The following CCZ1B variants were observed in gnomAD, a reference collection of about 807,000 sequenced individuals.
The protein encoded by CCZ1B is CCZ1B vacuolar protein trafficking and biogenesis associated.
Under a neutral mutation model 58.8 loss-of-function variants are expected in CCZ1B, and 25 were observed. The ratio of observed to expected loss-of-function variants is 0.43; its 90% CI spans 0.31 to 0.59. CCZ1B has a LOEUF of 0.59. CCZ1B is among the 20% of genes least tolerant of loss of function. The pLI, the probability that CCZ1B is intolerant of heterozygous loss-of-function variation, is 0.12. For synonymous variants in CCZ1B, 66 were observed against 173.2 expected (o/e 0.38, Z 4.86); for missense variants, 180 against 501.5 (o/e 0.36, Z 6.12).
At chr7:6,811,045 C>T (rs1292609571) in intron 10 of CCZ1B, among the ~76,000 whole-genome samples, 1 of 151,542 alleles carries the variant, frequency 6.6e-6, no homozygotes, top group Non-Finnish European at 1.5e-5. Context: ...TTAAACAGAC[C>T]CTCGATTGTC....
chr7:6,812,878 G>T (rs1454637356), intron 9 of CCZ1B, 98 bp downstream of exon 9: 4 of 1,546,756 alleles, frequency 2.6e-6, no homozygotes, highest in Admixed American at 4.0e-5. Context: ...AGTGAGCGGA[G>T]ATCTTGCCAC....
chr7:6,818,643 AAGAAAGAC>A (rs1212628412), intron 7 of CCZ1B, among the ~76,000 whole-genome samples: 5 of 142,218 alleles, frequency 3.5e-5, no homozygotes, highest in African/African-American at 1.4e-4. Flanking sequence ...ACAAGAAAGA[AAGAAAGAC>A]AGAAAGAAAG....
rs1238934050 is a variant in CCZ1B, at chr7:6,818,595, G to A, written c.698+1171C>T. On this transcript the variant is annotated intron_variant, in intron 7 of 14. Coordinates refer to ENST00000316731, the MANE Select transcript of CCZ1B (RefSeq NM_198097.5). ...AGAAAGACAGAAAGAAAGACAGACAGAAAGAAAGAAAGAAAGAAAGACAAG... is the reference window on the plus strand; with the variant it reads ...AGAAAGACAGAAAGAAAGACAGACAAAAAGAAAGAAAGAAAGAAAGACAAG... 1.6e-5 allele frequency among the ~76,000 whole-genome samples: 2 copies of A among 128,922 alleles called. 1 individual carries two copies. Among genetic ancestry groups the A allele is most frequent in the African/African-American group, 6.8e-5 (2 of 29,574 alleles). 84.6% of individuals were successfully genotyped at this position (128,922 alleles called of 152,430 possible). A position where few individuals can be genotyped will look rare whatever the true frequency, so the allele number is the denominator to read the frequency against.
At chr7:6,814,697 A>C in intron 8 of CCZ1B, 67 bp downstream of exon 8, 1 of 1,399,160 alleles carries the variant, frequency 7.1e-7, no homozygotes, top group Non-Finnish European at 1.0e-6. Flanking sequence ...ATGCACCACC[A>C]TCTCACTCCA....
chr7:6,805,745 C>CAAA, intron 11 of CCZ1B: 1 of 317,294 alleles, frequency 3.2e-6, no homozygotes, highest in Non-Finnish European at 5.6e-6. Flanking sequence ...CAAACAACCA[C>CAAA]AAAAACATTA....
rs1271427204 is a variant in CCZ1B at position 6,823,297 on chromosome 7, A to C, written c.438+16T>G. Reference sequence around the variant, plus strand: ...AAGTGGTTGGACTCTGAGTTGAGAAAGAACGCCACGCTTACCTTGTACATG... The same window carrying C: ...AAGTGGTTGGACTCTGAGTTGAGAACGAACGCCACGCTTACCTTGTACATG... On this transcript the variant is annotated intron_variant, in intron 5 of 14. Transcript: ENST00000316731. 1 of 1,605,442 alleles carries C rather than the reference A, an allele frequency of 6.2e-7. No homozygotes were observed. Among genetic ancestry groups the C allele is most frequent in the South Asian group, 1.1e-5 (1 of 90,398 alleles).
intron 8 of CCZ1B, among the ~76,000 whole-genome samples, chr7:6,813,342 T>G (rs895324666): frequency 6.7e-6 from 1 of 149,322 alleles, no homozygotes; most frequent in Non-Finnish European, 1.5e-5. Context: ...TCCCAGCACT[T>G]TGGGAGGCCA....
intron 12 of CCZ1B, among the ~76,000 whole-genome samples, chr7:6,804,507 G>GT (rs1302213042): frequency 8.9e-6 from 1 of 112,286 alleles, no homozygotes; most frequent in Non-Finnish European, 1.8e-5. Context: ...CTCCCACTCA[G>GT]TGTAGACACT....
At chr7:6,812,147 T>C (rs1270233524) in intron 9 of CCZ1B, 84 bp from the exon 10 acceptor site, 4 of 1,106,090 alleles carry the variant, frequency 3.6e-6, no homozygotes, top group Non-Finnish European at 5.5e-6. Flanking sequence ...TCCCACTTCA[T>C]ACACACCAGT....
chr7:6,803,686 G>T (rs62441798), intron 12 of CCZ1B, among the ~76,000 whole-genome samples: 1 of 142,852 alleles, frequency 7.0e-6, no homozygotes, highest in Non-Finnish European at 1.5e-5. Context: ...CATATGGGCC[G>T]GGCGCGGTGG....
intron 14 of CCZ1B, among the ~76,000 whole-genome samples, chr7:6,800,531 T>G (rs1782748102): frequency 7.3e-6 from 1 of 137,416 alleles, no homozygotes; most frequent in African/African-American, 2.8e-5. Flanking sequence ...ACACATGCCT[T>G]GGTGATACAT....
At chr7:6,814,336 A>G (rs902697746) in intron 8 of CCZ1B, among the ~76,000 whole-genome samples, 1 of 149,304 alleles carries the variant, frequency 6.7e-6, no homozygotes, top group African/African-American at 2.5e-5. Flanking sequence ...GGAGTTCGAG[A>G]CCAGCCTGGC....
intron 8 of CCZ1B, 93 bp downstream of exon 8, chr7:6,814,671 G>A (rs374226938): frequency 1.0e-5 from 12 of 1,147,040 alleles, no homozygotes; most frequent in Admixed American, 4.1e-5. Flanking sequence ...CATCAGAAAC[G>A]ATCAGAAACA....
chr7:6,813,016 T>C lies in CCZ1B; in HGVS notation c.802A>G (p.Ile268Val), dbSNP rs1169179531. ...EPELAGRDSP[I>V]RAEMPGNLQH... is the part of the protein sequence containing the mutation. The stretch of plus-strand genomic sequence containing the variant: ...AGATTTCCTGGCATTTCTGCTCTTA[T>C]TGGAGAATCCCTTCCTGCTAACTGC... Residue 268 changes from isoleucine (I) to valine (V), a missense_variant, in exon 9 of 15, where the codon ATA (isoleucine) becomes GTA (valine). Ile to Val is a conservative substitution (Grantham distance 29, BLOSUM62 3). Transcript: ENST00000316731. 1.9e-6 allele frequency: 3 copies of C among 1,581,754 alleles called. No homozygotes were observed. Among genetic ancestry groups the C allele is most frequent in the Admixed American group, 1.8e-5 (1 of 56,770 alleles).
intron 6 of CCZ1B, among the ~76,000 whole-genome samples, chr7:6,821,020 C>A (rs1422170199): frequency 6.8e-6 from 1 of 146,060 alleles, no homozygotes; most frequent in Non-Finnish European, 1.5e-5. Flanking sequence ...ATCTTTATTT[C>A]CCCCCCGAGA....
intron 7 of CCZ1B, among the ~76,000 whole-genome samples, chr7:6,819,321 C>T (rs1230256625): frequency 1.4e-5 from 2 of 146,806 alleles, no homozygotes; most frequent in South Asian, 2.2e-4. Flanking sequence ...CTGCAACCTC[C>T]GCCTCCCGGG....
chr7:6,818,996 T>C (rs946097808), intron 7 of CCZ1B, among the ~76,000 whole-genome samples: 1 of 147,912 alleles, frequency 6.8e-6, no homozygotes, highest in Non-Finnish European at 1.5e-5. Flanking sequence ...CTAGTTTCTT[T>C]AAAAGAAAGT....
chr7:6,803,946 TAAAA>T (rs1192034108), intron 12 of CCZ1B, among the ~76,000 whole-genome samples: 2 of 97,260 alleles, frequency 2.1e-5, no homozygotes, highest in Admixed American at 1.1e-4. Context: ...GACTCTGTCT[TAAAA>T]AAAAAAAAAA....
intron 6 of CCZ1B, among the ~76,000 whole-genome samples, chr7:6,820,876 T>C (rs1783097868): frequency 6.9e-6 from 1 of 144,250 alleles, no homozygotes; most frequent in South Asian, 2.3e-4. Context: ...GATCACACCA[T>C]TGCACTCTAG....
Sources: gnomAD v4.1 joint callset for allele counts (sites outside exome capture counted in the v4.1 genomes callset) on GRCh38, gnomAD v4.1.1 for gene constraint, MANE v1.5 for transcripts, NCBI Gene and HGNC (gene_info 2026-07-23, HGNC 2026-07-21) for gene names.